The following SCN1A variants were observed in gnomAD, a reference collection of about 807,000 sequenced individuals.
The protein encoded by SCN1A is sodium voltage-gated channel alpha subunit 1.
In SCN1A, 13 loss-of-function variants were observed where a neutral mutation model predicts 193.7. The ratio of observed to expected loss-of-function variants is 0.07; its 90% CI spans 0.04 to 0.11. The LOEUF (loss-of-function observed/expected upper bound fraction) is 0.11. Ranked by LOEUF, SCN1A falls within the 10% of genes least tolerant of loss-of-function variation. The pLI is 1.00. For synonymous variants in SCN1A, 781 were observed against 843.6 expected, an observed-to-expected ratio of 0.93 and a Z score of 1.29; for missense variants, 1,432 against 2,451.1, an observed-to-expected ratio of 0.58 and a Z score of 8.78.
rs775315152 is a variant in SCN1A at position 165,996,128 on chromosome 2, G to T, written c.4477-11C>A. 9.2e-6 allele frequency: 14 copies of T among 1,529,678 alleles called. No homozygotes were observed. The South Asian group carries it at 1.3e-4, about 15-fold the overall frequency. 94.8% of individuals were successfully genotyped at this position (1,529,678 alleles called of 1,614,324 possible). A position where few individuals can be genotyped will look rare whatever the true frequency, so the allele number is the denominator to read the frequency against. On this transcript the variant is annotated splice_polypyrimidine_tract_variant and intron_variant, in intron 26 of 28. Coordinates refer to ENST00000674923, the MANE Select transcript of SCN1A (RefSeq NM_001165963.4). ...GTCTTGACCTCCAAAGTATAGAAAAGAAAAATCAAACTGGTTAAAACTGTG... is the reference window on the plus strand; with the variant it reads ...GTCTTGACCTCCAAAGTATAGAAAATAAAAATCAAACTGGTTAAAACTGTG...
At chr2:166,132,691 G>T (rs185105979), upstream of SCN1A, among the ~76,000 whole-genome samples, 467 of 152,152 alleles carry the variant, frequency 3.1e-3, 4 homozygotes, top group African/African-American at 0.011. Flanking sequence ...GCAAGAATTG[G>T]CCAACTGATT....
intron 2 of SCN1A, among the ~76,000 whole-genome samples, chr2:166,088,056 TTGTGTGTG>T (rs10525602): frequency 9.5e-5 from 14 of 146,742 alleles, no homozygotes; most frequent in Admixed American, 3.4e-4. Context: ...ATCTGTGTGT[TTGTGTGTG>T]TGTGTGTGTG....
intron 2 of SCN1A, among the ~76,000 whole-genome samples, chr2:166,111,514 A>G (rs1488663106): frequency 6.6e-6 from 1 of 152,110 alleles, no homozygotes; most frequent in Non-Finnish European, 1.5e-5. Flanking sequence ...GGAGATGTAC[A>G]AGGAGATTAA....
intron 22 of SCN1A, among the ~76,000 whole-genome samples, chr2:166,011,087 A>T (rs1574045955): frequency 6.6e-6 from 1 of 151,302 alleles, no homozygotes; most frequent in East Asian, 1.9e-4. Flanking sequence ...TCCCTTATTG[A>T]TGTGATAAAG....
chr2:166,027,977 A>G (rs1695032626), intron 19 of SCN1A, among the ~76,000 whole-genome samples: 1 of 152,136 alleles, frequency 6.6e-6, no homozygotes, highest in African/African-American at 2.4e-5. Flanking sequence ...TAATTCCCAC[A>G]TTATTCCCAG....
At position 166,045,050 on chromosome 2, in the gene SCN1A, G is replaced by C. The variant is rs1697629240; in HGVS notation, c.1655C>G (p.Pro552Arg). ...AACTCAGCAGTGCCATACCTGGTGT[G>C]GGGAGGAGTACCTCTTTTCATATGT... Reference protein sequence around the residue: ...RLTYEKRYSSPHQSLLSIRGS... With the variant: ...RLTYEKRYSSRHQSLLSIRGS... Residue 552 changes from proline to arginine, a missense_variant, in exon 13 of 29, where the codon CCA (proline) becomes CGA (arginine). Physicochemically the swap from Pro to Arg is moderately radical, Grantham distance 103. Coordinates refer to ENST00000674923, the MANE Select transcript of SCN1A (RefSeq NM_001165963.4). 1.2e-6 allele frequency: 2 copies of C among 1,613,920 alleles called. No homozygotes were observed. The highest frequency in any genetic ancestry group is 1.7e-6 in the Non-Finnish European group (2 of 1,179,950).
In SCN1A at chr2:166,051,109, T is replaced by C. The variant is rs10221665; in HGVS notation, c.964+610A>G. Among the ~76,000 whole-genome samples the C allele has an allele frequency of 8.1e-3, 1,230 of 152,100 alleles. 14 individuals carry two copies. The highest frequency in any genetic ancestry group is 0.028 in the African/African-American group (1,155 of 41,524). The stretch of plus-strand genomic sequence containing the variant: ...TATCAATCACCACAGGAAGAATGTA[T>C]AGCAACCAAGGATCCTAGGAAAATT... On this transcript the variant is annotated intron_variant, in intron 9 of 28. Transcript: ENST00000674923.
chr2:166,106,019 C>T (rs182017155), intron 2 of SCN1A, among the ~76,000 whole-genome samples: 1 of 152,060 alleles, frequency 6.6e-6, no homozygotes, highest in African/African-American at 2.4e-5. Context: ...AAACCCGTCT[C>T]TACTAAAAAT....
chr2:166,112,988 C>T (rs1432526719), intron 2 of SCN1A, among the ~76,000 whole-genome samples: 2 of 152,132 alleles, frequency 1.3e-5, no homozygotes, highest in African/African-American at 4.8e-5. Flanking sequence ...AAATAGTAAG[C>T]TCTTAAATTC....
At chr2:166,141,839 G>C (rs6432873) in intron 1 of SCN1A, among the ~76,000 whole-genome samples, 122,661 of 151,936 alleles carry the variant, frequency 0.81, 50,109 homozygotes, top group African/African-American at 0.94. Context: ...AAATGGATCT[G>C]TCAGGTGGAA....
intron 2 of SCN1A, among the ~76,000 whole-genome samples, chr2:166,106,803 A>G (rs528165846): frequency 9.2e-5 from 14 of 152,290 alleles, no homozygotes; most frequent in African/African-American, 2.6e-4. Context: ...ATGTAGCATT[A>G]GAACCAGGAA....
At chr2:166,019,044 C>G (rs1208230287) in intron 19 of SCN1A, among the ~76,000 whole-genome samples, 1 of 152,060 alleles carries the variant, frequency 6.6e-6, no homozygotes, top group African/African-American at 2.4e-5. Flanking sequence ...AAACTGGGAC[C>G]ATGGGTGGGC....
chr2:166,081,859 T>A (rs1049474596), intron 2 of SCN1A, among the ~76,000 whole-genome samples: 7 of 152,052 alleles, frequency 4.6e-5, no homozygotes, highest in African/African-American at 1.7e-4. Flanking sequence ...TAATTGCTAT[T>A]ATTTTTTTGC....
At chr2:166,046,506 G>GA (rs1697837684) in intron 12 of SCN1A, among the ~76,000 whole-genome samples, 1 of 152,164 alleles carries the variant, frequency 6.6e-6, no homozygotes, top group African/African-American at 2.4e-5. Context: ...TCTCTCACTT[G>GA]AAAATACCCC....
chr2:166,099,091 AC>A (rs1429388496), intron 2 of SCN1A, among the ~76,000 whole-genome samples: 3 of 152,164 alleles, frequency 2.0e-5, no homozygotes, highest in Admixed American at 6.5e-5. Context: ...GAGGCATCAC[AC>A]CACCCAACTA....
intron 18 of SCN1A, 141 bp from the exon 19 acceptor site, chr2:166,036,671 T>G (rs1177895658): frequency 2.6e-6 from 2 of 770,710 alleles, no homozygotes; most frequent in Non-Finnish European, 4.1e-6. Context: ...AGCATAGTGA[T>G]TAGAAGATGG....
At position 166,041,439 on chromosome 2, in the gene SCN1A, G is replaced by A; in HGVS notation, c.2207C>T (p.Pro736Leu). Residue 736 changes from proline to leucine, a missense_variant, in exon 16 of 29, where the codon CCC becomes CTC. Pro to Leu is a moderately conservative substitution (Grantham distance 98, BLOSUM62 -3). Coordinates refer to ENST00000674923, the MANE Select transcript of SCN1A (RefSeq NM_001165963.4). The stretch of plus-strand genomic sequence containing the variant: ...TATGTTGGAAAATTTATACCAACAG[G>A]GTGGGCATTTCTGCCTGGATTCTTC... ...ELEESRQKCP[P>L]CWYKFSNIFL... 6.2e-7 allele frequency: 1 copy of A among 1,611,402 alleles called. No homozygotes were observed. Among genetic ancestry groups the A allele is most frequent in the Admixed American group, 1.7e-5 (1 of 59,864 alleles).
rs763276447 is a variant in SCN1A at position 166,051,807 on chromosome 2, T to C, written c.876A>G (p.Ile292Met). ...PTNASLEEHSIEKNITVNYNG... is the reference protein window; with the variant it reads ...PTNASLEEHSMEKNITVNYNG... ...TATAATTCACAGTTATATTCTTTTC[T>C]ATACTATGTTCCTCCAAGGAAGCAT... The change falls in exon 9 of 29, where the codon ATA (isoleucine) becomes ATG (methionine). Residue 292 changes from isoleucine (I) to methionine (M), a missense_variant. Transcript: ENST00000674923. 5 of 1,612,204 alleles carry C rather than the reference T, an allele frequency of 3.1e-6. No homozygotes were observed. The highest frequency in any genetic ancestry group is 2.2e-5 in the East Asian group (1 of 44,822).
At chr2:166,068,605 T>C (rs1417356375) in intron 4 of SCN1A, among the ~76,000 whole-genome samples, 1 of 152,100 alleles carries the variant, frequency 6.6e-6, no homozygotes, top group Non-Finnish European at 1.5e-5. Context: ...AACTCCATAA[T>C]TCCAATTAAA....
Sources: gnomAD v4.1 joint callset for allele counts (sites outside exome capture counted in the v4.1 genomes callset) on GRCh38, gnomAD v4.1.1 for gene constraint, MANE v1.5 for transcripts, NCBI Gene and HGNC (gene_info 2026-07-23, HGNC 2026-07-21) for gene names.